Variants in DIS3L2 observed in about 807,000 individuals in gnomAD.
DIS3L2 encodes DIS3-like exonuclease 2.
Under a neutral mutation model 97.5 loss-of-function variants are expected in DIS3L2, and 34 were observed. That is an observed-to-expected ratio of 0.35 (90% CI 0.27 to 0.46). The LOEUF (loss-of-function observed/expected upper bound fraction) is 0.46. DIS3L2 is among the 20% of genes least tolerant of loss of function. The pLI is 1.00. For synonymous variants in DIS3L2, 435 were observed against 445.2 expected, an observed-to-expected ratio of 0.98 and a Z score of 0.29; for missense variants, 1,038 against 1,146.0, an observed-to-expected ratio of 0.91 and a Z score of 1.36.
chr2:232,085,251 C>A (rs1696538044), intron 5 of DIS3L2, among the ~76,000 whole-genome samples: 1 of 152,184 alleles, frequency 6.6e-6, no homozygotes, highest in East Asian at 1.9e-4. Flanking sequence ...CTTTCTCATT[C>A]TTTCAATATA....
chr2:232,079,868 G>A (rs1217631743), intron 5 of DIS3L2, among the ~76,000 whole-genome samples: 1 of 152,174 alleles, frequency 6.6e-6, no homozygotes, highest in African/African-American at 2.4e-5. Flanking sequence ...GAAAGTCTCT[G>A]GAGTTGGAGG....
intron 8 of DIS3L2, among the ~76,000 whole-genome samples, chr2:232,138,688 A>C (rs1471481250): frequency 6.6e-6 from 1 of 152,118 alleles, no homozygotes; most frequent in Non-Finnish European, 1.5e-5. Context: ...TTCCTCCCTT[A>C]TCTTTGCCAG....
intron 13 of DIS3L2, among the ~76,000 whole-genome samples, chr2:232,270,531 C>G (rs1693960025): frequency 6.6e-6 from 1 of 152,156 alleles, no homozygotes; most frequent in Non-Finnish European, 1.5e-5. Flanking sequence ...CATTCAGCCA[C>G]TCCCCAATTT....
intron 14 of DIS3L2, among the ~76,000 whole-genome samples, chr2:232,310,697 A>G (rs561719243): frequency 1.3e-5 from 2 of 152,380 alleles, no homozygotes; most frequent in African/African-American, 4.8e-5. Flanking sequence ...CAAGCTGTAC[A>G]TAAGAGGACC....
At chr2:232,223,714 GAGATAA>G (rs1692565148) in intron 10 of DIS3L2, among the ~76,000 whole-genome samples, 1 of 152,216 alleles carries the variant, frequency 6.6e-6, no homozygotes, top group African/African-American at 2.4e-5. Context: ...AAGACTAAAT[GAGATAA>G]TCCCTGGCAC....
chr2:232,120,038 C>T (rs1022043835), intron 6 of DIS3L2, among the ~76,000 whole-genome samples: 1 of 152,072 alleles, frequency 6.6e-6, no homozygotes, highest in East Asian at 1.9e-4. Flanking sequence ...CCCAGTTTAT[C>T]TACTCTCAGA....
intron 1 of DIS3L2, among the ~76,000 whole-genome samples, chr2:231,999,454 T>G (rs1458821742): frequency 1.3e-5 from 2 of 152,246 alleles, no homozygotes; most frequent in Non-Finnish European, 2.9e-5. Context: ...GCATCCGTAT[T>G]TCTCTATTTA....
At chr2:232,071,038 C>G (rs1309624225) in intron 5 of DIS3L2, among the ~76,000 whole-genome samples, 1 of 152,170 alleles carries the variant, frequency 6.6e-6, no homozygotes, top group East Asian at 1.9e-4. Flanking sequence ...TCCTGCAGTC[C>G]AAGCCAGGTC....
intron 5 of DIS3L2, among the ~76,000 whole-genome samples, chr2:232,031,334 T>G (rs1050187461): frequency 6.6e-6 from 1 of 152,132 alleles, no homozygotes; most frequent in Non-Finnish European, 1.5e-5. Context: ...ATGCCAGGTA[T>G]TCATAGGGTG....
At chr2:232,298,534 G>A (rs1239400745) in intron 13 of DIS3L2, among the ~76,000 whole-genome samples, 1 of 152,180 alleles carries the variant, frequency 6.6e-6, no homozygotes, top group Non-Finnish European at 1.5e-5. Flanking sequence ...GCTTCATGAT[G>A]GTCGAGAAGG....
At chr2:232,343,848 A>G (rs1161183282) in exon 14 of DIS3L2, 5 of 386,544 alleles carry the variant, frequency 1.3e-5, no homozygotes, top group East Asian at 9.4e-5. Context: ...CCATCTCCAG[A>G]GCTTCCCTTT....
chr2:231,971,813 C>T (rs961257749), intron 1 of DIS3L2, among the ~76,000 whole-genome samples: 3 of 149,766 alleles, frequency 2.0e-5, no homozygotes, highest in African/African-American at 7.3e-5. Flanking sequence ...AAACTCCAGA[C>T]CTCGTGATCT....
chr2:231,981,639 A>ATATATAT (rs1693265114), intron 1 of DIS3L2, among the ~76,000 whole-genome samples: 2 of 86,928 alleles, frequency 2.3e-5, no homozygotes, highest in Admixed American at 1.3e-4. Flanking sequence ...TATATATATG[A>ATATATAT]GACATATTTA....
intron 1 of DIS3L2, among the ~76,000 whole-genome samples, chr2:231,997,042 C>A (rs1490416921): frequency 6.6e-6 from 1 of 152,204 alleles, no homozygotes; most frequent in Admixed American, 6.5e-5. Context: ...TGTCTCCTCC[C>A]CTAGATTGTA....
Position 232,238,529 on chromosome 2 carries a change from A to G in DIS3L2, c.1205-4A>G. The G allele has an allele frequency of 1.9e-6, 3 of 1,613,268 alleles. No homozygotes were observed. The highest frequency in any genetic ancestry group is 2.5e-6 in the Non-Finnish European group (3 of 1,179,470). On this transcript the variant is annotated splice_polypyrimidine_tract_variant and splice_region_variant and intron_variant, in intron 10 of 20. Coordinates refer to ENST00000325385, the MANE Select transcript of DIS3L2 (RefSeq NM_152383.5). ...GCCTGATAGTCCTTCTCGTGCATTT[A>G]CAGGCAACTTCAAAGTGGGAGTTCA... is the stretch of plus-strand genomic sequence containing the variant.
intron 5 of DIS3L2, among the ~76,000 whole-genome samples, chr2:232,081,451 T>C (rs1696391143): frequency 6.6e-6 from 1 of 151,954 alleles, no homozygotes; most frequent in Non-Finnish European, 1.5e-5. Context: ...GAATCCATTA[T>C]TCAGTAGGGA....
rs775023716 is a variant in DIS3L2, at chr2:232,278,656, T to C, written c.1659+15216T>C. On this transcript the variant is annotated intron_variant, in intron 13 of 20. Coordinates refer to ENST00000325385, the MANE Select transcript of DIS3L2 (RefSeq NM_152383.5). ...TTGTGTGTATCAGTGGTCATTCCCT[T>C]TTGTTGCAGAGTAGTATTCTGTTGT... is the stretch of plus-strand genomic sequence containing the variant. Among the ~76,000 whole-genome samples, 77 of 152,214 alleles carry C rather than the reference T, an allele frequency of 5.1e-4. 1 individual carries two copies. Among genetic ancestry groups the C allele is most frequent in the Non-Finnish European group, 8.8e-4 (60 of 68,040 alleles).
intron 8 of DIS3L2, among the ~76,000 whole-genome samples, chr2:232,137,066 G>A (rs897178589): frequency 6.6e-6 from 1 of 152,178 alleles, no homozygotes; most frequent in Non-Finnish European, 1.5e-5. Flanking sequence ...GCAGATGCTA[G>A]TGTTAAACCA....
chr2:232,000,613 T>TTTTCCTTTCCTTTC (rs1693854451), intron 1 of DIS3L2, among the ~76,000 whole-genome samples: 8 of 107,316 alleles, frequency 7.5e-5, no homozygotes, highest in Non-Finnish European at 1.3e-4. Flanking sequence ...CTTTCCTTTC[T>TTTTCCTTTCCTTTC]TTTCCTTTCC....
Sources: allele counts gnomAD v4.1 joint callset (sites outside exome capture counted in the v4.1 genomes callset), GRCh38; gene constraint gnomAD v4.1.1; transcripts MANE v1.5; gene names NCBI Gene and HGNC (gene_info 2026-07-23, HGNC 2026-07-21).